NAALADL2: variants seen among roughly 807,000 people sequenced by gnomAD.
NAALADL2 encodes N-acetylated alpha-linked acidic dipeptidase like 2.
In NAALADL2, 76 loss-of-function variants were observed where a neutral mutation model predicts 87.2. The observed-to-expected ratio is 0.87, with a 90% CI of 0.72 to 1.05. The LOEUF (loss-of-function observed/expected upper bound fraction) is 1.05, where lower values mean the gene tolerates loss of function less well. Among genes scored for constraint, NAALADL2 ranks in the 50% least tolerant of loss-of-function variants. NAALADL2 has a pLI of 0.00. For synonymous variants in NAALADL2, 354 were observed against 331.0 expected, an observed-to-expected ratio of 1.07 and a Z score of -0.75; for missense variants, 1,089 against 945.8, an observed-to-expected ratio of 1.15 and a Z score of -1.99.
At chr3:175,018,743 A>T (rs1430059477) in intron 1 of NAALADL2, among the ~76,000 whole-genome samples, 1 of 152,076 alleles carries the variant, frequency 6.6e-6, no homozygotes, top group Non-Finnish European at 1.5e-5. Flanking sequence ...TACAAAACTG[A>T]TTCTTCACAC....
In NAALADL2 at chr3:175,363,771, A is replaced by G. The variant is rs772125712; in HGVS notation, c.1090+39446A>G. Among the ~76,000 whole-genome samples, 31 of 148,316 alleles carry G rather than the reference A, an allele frequency of 2.1e-4. 3 individuals are homozygous for G. The South Asian group carries it at 3.3e-3, about 16-fold the overall frequency. On this transcript the variant is annotated intron_variant, in intron 5 of 13. Transcript: ENST00000454872. ...ATGAACTGGAAAATCTGTAACAAGT[A>G]TCTCAGTCTGTAACTAGAATATTGC... is the stretch of plus-strand genomic sequence containing the variant.
At chr3:174,631,072 C>T (rs1468814614) in intron 2 of NAALADL2, among the ~76,000 whole-genome samples, 1 of 151,994 alleles carries the variant, frequency 6.6e-6, no homozygotes, top group African/African-American at 2.4e-5. Context: ...ATAGATTCTG[C>T]ACATATTATT....
chr3:174,749,487 C>G (rs1321261582), intron 3 of NAALADL2, among the ~76,000 whole-genome samples: 1 of 148,076 alleles, frequency 6.8e-6, no homozygotes, highest in Non-Finnish European at 1.5e-5. Context: ...ATTATGGTTG[C>G]CAATGATAGT....
rs557776727 is a variant in NAALADL2 at position 175,797,998 on chromosome 3, TAAGTATTAA to T, written c.2190-5001_2190-4993del. ...CATGATTTTGTTTTAACCTTCCATT[TAAGTATTAA>T]AAGTAATATAATGCTATATTTTCAT... On this transcript the variant is annotated intron_variant, in intron 13 of 13. Transcript: ENST00000454872. 3.3e-5 allele frequency among the ~76,000 whole-genome samples: 5 copies of T among 152,160 alleles called. No individual in the cohort carries two copies. The South Asian group carries it at 8.3e-4, about 25-fold the overall frequency.
At chr3:174,477,373 G>T (rs1202443220) in intron 1 of NAALADL2, among the ~76,000 whole-genome samples, 1 of 152,036 alleles carries the variant, frequency 6.6e-6, no homozygotes, top group Non-Finnish European at 1.5e-5. Flanking sequence ...AAAACCACGT[G>T]GCAGAGGTAG....
rs563838571 is a variant in NAALADL2, at chr3:175,334,052, C to G, written c.1090+9727C>G. On this transcript the variant is annotated intron_variant, in intron 5 of 13. Transcript: ENST00000454872. Reference sequence around the variant, plus strand: ...CATCTTTTGAATGCACGCTTACTTTCTGACACAGTACAATGTTTTAGGCTT... The same window carrying G: ...CATCTTTTGAATGCACGCTTACTTTGTGACACAGTACAATGTTTTAGGCTT... Among the ~76,000 whole-genome samples the G allele has an allele frequency of 3.9e-5, 6 of 152,250 alleles. No homozygotes were observed. The South Asian group carries it at 8.3e-4, about 21-fold the overall frequency.
intron 1 of NAALADL2, among the ~76,000 whole-genome samples, chr3:175,057,449 G>A (rs944869152): frequency 2.6e-5 from 4 of 152,086 alleles, no homozygotes; most frequent in Non-Finnish European, 5.9e-5. Flanking sequence ...CTTCATCATG[G>A]ACCTAGCATC....
intron 4 of NAALADL2, among the ~76,000 whole-genome samples, chr3:175,322,056 C>T (rs1265389110): frequency 2.6e-5 from 4 of 151,682 alleles, no homozygotes; most frequent in Non-Finnish European, 5.9e-5. Flanking sequence ...AAGAACAAAG[C>T]TGGAGGCATC....
chr3:175,197,859 C>A (rs141444811), intron 2 of NAALADL2, among the ~76,000 whole-genome samples: 305 of 152,082 alleles, frequency 2.0e-3, no homozygotes, highest in Non-Finnish European at 3.8e-3. Context: ...GAGAAAATTA[C>A]CACTGAGGGC....
intron 5 of NAALADL2, among the ~76,000 whole-genome samples, chr3:175,388,082 C>A (rs951795569): frequency 1.3e-5 from 2 of 151,904 alleles, no homozygotes; most frequent in African/African-American, 4.8e-5. Context: ...TAGCTGTAAC[C>A]AAATTTTGAA....
intron 12 of NAALADL2, among the ~76,000 whole-genome samples, chr3:175,743,347 G>T (rs1745506868): frequency 6.6e-6 from 1 of 152,134 alleles, no homozygotes; most frequent in Admixed American, 6.5e-5. Flanking sequence ...GCCAGGAGAA[G>T]GTCAGAGACA....
intron 1 of NAALADL2, among the ~76,000 whole-genome samples, chr3:175,058,502 A>C (rs879839004): frequency 6.6e-6 from 1 of 152,218 alleles, no homozygotes; most frequent in Non-Finnish European, 1.5e-5. Flanking sequence ...TCAAACAATA[A>C]GTAAACATAC....
chr3:174,507,520 A>G (rs1385274652), intron 1 of NAALADL2, among the ~76,000 whole-genome samples: 2 of 152,088 alleles, frequency 1.3e-5, no homozygotes, highest in African/African-American at 2.4e-5. Context: ...ACTACATTCA[A>G]TAGAGAATAT....
intron 11 of NAALADL2, among the ~76,000 whole-genome samples, chr3:175,634,174 T>A (rs745716433): frequency 4.2e-4 from 64 of 152,068 alleles, no homozygotes; most frequent in Non-Finnish European, 6.3e-4. Flanking sequence ...TTAATAATTT[T>A]AATTGTTAAC....
intron 3 of NAALADL2, among the ~76,000 whole-genome samples, chr3:175,255,589 G>A (rs1361583505): frequency 1.3e-5 from 2 of 152,140 alleles, no homozygotes; most frequent in African/African-American, 4.8e-5. Flanking sequence ...ATTACAGAGA[G>A]TAAAGCTAAA....
intron 1 of NAALADL2, among the ~76,000 whole-genome samples, chr3:174,938,011 C>T (rs1221377838): frequency 6.6e-6 from 1 of 151,770 alleles, no homozygotes; most frequent in Non-Finnish European, 1.5e-5. Context: ...AAACATATCC[C>T]CTAGTTTTTT....
rs1734532960 is a variant in NAALADL2, at chr3:174,748,787, A to G, written c.-9+11041A>G. Among the ~76,000 whole-genome samples, 2 of 152,196 alleles carry G rather than the reference A, an allele frequency of 1.3e-5. 1 individual carries two copies. Among genetic ancestry groups the G allele is most frequent in the Admixed American group, 1.3e-4 (2 of 15,268 alleles). ...TAGTGCAAAAAGCATGATTGTTAAC[A>G]AGGTTTGACTAAATCAGGTCTACAA... On this transcript the variant is annotated intron_variant, in intron 3 of 3. Coordinates refer to the NAALADL2 transcript ENST00000434257.
chr3:175,332,692 G>A (rs879569023), intron 5 of NAALADL2, among the ~76,000 whole-genome samples: 1 of 152,170 alleles, frequency 6.6e-6, no homozygotes, highest in Non-Finnish European at 1.5e-5. Flanking sequence ...CTGATGAGAA[G>A]AATGTGTTTT....
chr3:175,416,613 T>TA (rs1249007294), intron 5 of NAALADL2, among the ~76,000 whole-genome samples: 5 of 152,186 alleles, frequency 3.3e-5, no homozygotes, highest in African/African-American at 1.2e-4. Context: ...GAGAAGAAGT[T>TA]ACATTTACTA....
Sources: allele counts gnomAD v4.1 joint callset (sites outside exome capture counted in the v4.1 genomes callset), GRCh38; gene constraint gnomAD v4.1.1; transcripts MANE v1.5; gene names NCBI Gene and HGNC (gene_info 2026-07-23, HGNC 2026-07-21).